The following ADGRL3 variants were observed in gnomAD, a reference collection of about 807,000 sequenced individuals.
ADGRL3 encodes the protein adhesion G protein-coupled receptor L3, also known as calcium-independent alpha-latrotoxin receptor 3.
In ADGRL3, 62 loss-of-function variants were observed where a neutral mutation model predicts 153.5. The observed-to-expected ratio is 0.40, with a 90% CI of 0.33 to 0.50. The LOEUF (loss-of-function observed/expected upper bound fraction) is 0.50, where lower values mean the gene tolerates loss of function less well. Ranked by LOEUF, ADGRL3 falls within the 20% of genes least tolerant of loss-of-function variation. The probability of loss-of-function intolerance (pLI) is 0.47; values close to 1 mark genes in which losing one functional copy is unlikely to be tolerated. For synonymous variants in ADGRL3, 710 were observed against 672.5 expected, an observed-to-expected ratio of 1.06 and a Z score of -0.86; for missense variants, 1,641 against 1,859.4, an observed-to-expected ratio of 0.88 and a Z score of 2.16.
chr4:61,789,041 CAA>C (rs1417934411), intron 8 of ADGRL3, among the ~76,000 whole-genome samples: 12 of 151,962 alleles, frequency 7.9e-5, no homozygotes, highest in Non-Finnish European at 1.6e-4. Context: ...TCAAATTTAT[CAA>C]AAGAGTCATA....
chr4:61,684,750 T>C (rs2095411760), intron 6 of ADGRL3, among the ~76,000 whole-genome samples: 1 of 142,318 alleles, frequency 7.0e-6, no homozygotes, highest in African/African-American at 2.6e-5. Flanking sequence ...TTGAGTGGAT[T>C]CTGTGCTTTT....
chr4:61,572,026 G>T lies in ADGRL3; in HGVS notation c.260-15201G>T, dbSNP rs2098841157. ...TTGTATTAACTTACAAATAATAAGA[G>T]ATTCACATTATATGATTTTTCCCAA... is the stretch of plus-strand genomic sequence containing the variant. On this transcript the variant is annotated intron_variant, in intron 4 of 26. Transcript: ENST00000683033. Among the ~76,000 whole-genome samples the T allele has an allele frequency of 2.0e-5, 3 of 152,134 alleles. No individual in the cohort carries two copies. The South Asian group carries it at 6.2e-4, about 31-fold the overall frequency.
intron 17 of ADGRL3, among the ~76,000 whole-genome samples, chr4:61,956,703 T>A (rs189809716): frequency 2.6e-5 from 4 of 152,296 alleles, no homozygotes; most frequent in African/African-American, 9.6e-5. Flanking sequence ...CATCTTGAGT[T>A]AATTTGTGTA....
At chr4:61,931,134 G>C (rs1560391835) in intron 13 of ADGRL3, among the ~76,000 whole-genome samples, 1 of 152,008 alleles carries the variant, frequency 6.6e-6, no homozygotes, top group Non-Finnish European at 1.5e-5. Flanking sequence ...AGCAGAAAAG[G>C]GGTCACATTA....
At chr4:61,540,001 A>G (rs79984945) in intron 4 of ADGRL3, among the ~76,000 whole-genome samples, 2,064 of 152,290 alleles carry the variant, frequency 0.014, 22 homozygotes, top group Middle Eastern at 0.051. Context: ...AAGAACTGGC[A>G]TTTGAACTAA....
intron 9 of ADGRL3, among the ~76,000 whole-genome samples, chr4:61,847,679 AT>A: frequency 1.9e-4 from 10 of 53,856 alleles, no homozygotes; most frequent in African/African-American, 7.7e-4. Context: ...TATAAAATAT[AT>A]TATATATATA....
chr4:61,838,810 G>A (rs966236181), intron 9 of ADGRL3, among the ~76,000 whole-genome samples: 3 of 152,122 alleles, frequency 2.0e-5, no homozygotes, highest in Non-Finnish European at 2.9e-5. Flanking sequence ...TGCAGAGGAG[G>A]GAAGAGAGTT....
chr4:61,816,034 A>T (rs140093636), intron 9 of ADGRL3, among the ~76,000 whole-genome samples: 2 of 152,362 alleles, frequency 1.3e-5, no homozygotes, highest in East Asian at 3.9e-4. Context: ...ATAAATATGA[A>T]TTATAAATCA....
At chr4:61,235,939 A>G (rs1250295542) in intron 1 of ADGRL3, among the ~76,000 whole-genome samples, 1 of 150,868 alleles carries the variant, frequency 6.6e-6, no homozygotes, top group Non-Finnish European at 1.5e-5. Flanking sequence ...CTTTGGATCC[A>G]GTGAGTTTGC....
intron 4 of ADGRL3, among the ~76,000 whole-genome samples, chr4:61,517,973 C>T (rs1439665036): frequency 6.6e-6 from 1 of 152,064 alleles, no homozygotes; most frequent in Non-Finnish European, 1.5e-5. Flanking sequence ...TCATTTAAAG[C>T]GTAAAACTTG....
intron 11 of ADGRL3, among the ~76,000 whole-genome samples, chr4:61,908,152 C>T: frequency 6.6e-6 from 1 of 152,046 alleles, no homozygotes; most frequent in East Asian, 1.9e-4. Flanking sequence ...GGGTGCACAC[C>T]TGTAGTCCCA....
intron 21 of ADGRL3, among the ~76,000 whole-genome samples, chr4:62,016,948 C>T (rs535237973): frequency 6.6e-6 from 1 of 151,874 alleles, no homozygotes; most frequent in East Asian, 1.9e-4. Flanking sequence ...TGTTTTGTTG[C>T]TATTAGGTAT....
At chr4:61,456,672 C>T (rs934293732) in intron 2 of ADGRL3, among the ~76,000 whole-genome samples, 12 of 150,954 alleles carry the variant, frequency 7.9e-5, no homozygotes, top group South Asian at 2.1e-4. Context: ...AAACCATGGG[C>T]GACCATTTTT....
chr4:61,678,285 G>C (rs1332648408), intron 6 of ADGRL3, among the ~76,000 whole-genome samples: 1 of 151,912 alleles, frequency 6.6e-6, no homozygotes, highest in East Asian at 1.9e-4. Context: ...TTAAAAATAA[G>C]TTACACACCT....
rs1746433639 is a variant in ADGRL3, at chr4:62,074,074, T to A, written c.*3166T>A. On this transcript the variant is annotated 3_prime_UTR_variant, in exon 27 of 27. Coordinates refer to ENST00000683033, the MANE Select transcript of ADGRL3 (RefSeq NM_001387552.1). ...TTTTCTTATAGAGCTATTGATGAAT[T>A]AATTAATGATTTTTTAATTGTTCTT... 1 of 150,666 alleles carries A rather than the reference T, an allele frequency of 6.6e-6. No homozygotes were observed. The highest frequency in any genetic ancestry group is 6.6e-5 in the Admixed American group (1 of 15,080). 9.3% of individuals were successfully genotyped at this position (150,666 alleles called of 1,614,324 possible). A position where few individuals can be genotyped will look rare whatever the true frequency, so the allele number is the denominator to read the frequency against.
intron 21 of ADGRL3, 72 bp from the exon 22 acceptor site, chr4:62,028,783 T>C: frequency 7.6e-7 from 1 of 1,316,630 alleles, no homozygotes; most frequent in Admixed American, 2.0e-5. Flanking sequence ...AGGAGAATAT[T>C]TTTCATATGA....
intron 6 of ADGRL3, among the ~76,000 whole-genome samples, chr4:61,682,443 TTAA>T (rs1159888737): frequency 2.0e-5 from 3 of 152,134 alleles, no homozygotes; most frequent in Non-Finnish European, 4.4e-5. Flanking sequence ...CAATGGTTAA[TTAA>T]TAATTAAACC....
intron 4 of ADGRL3, among the ~76,000 whole-genome samples, chr4:61,537,226 T>A (rs1481873691): frequency 6.6e-6 from 1 of 152,032 alleles, no homozygotes; most frequent in Non-Finnish European, 1.5e-5. Flanking sequence ...CTGTTTTGGT[T>A]TGTAAAGTTT....
At chr4:61,441,193 C>T (rs997581431) in intron 2 of ADGRL3, among the ~76,000 whole-genome samples, 1 of 152,094 alleles carries the variant, frequency 6.6e-6, no homozygotes, top group Non-Finnish European at 1.5e-5. Flanking sequence ...TGACCAGTTC[C>T]TCTGCCTGAA....
Sources: gnomAD v4.1 joint callset for allele counts (sites outside exome capture counted in the v4.1 genomes callset) on GRCh38, gnomAD v4.1.1 for gene constraint, MANE v1.5 for transcripts, NCBI Gene and HGNC (gene_info 2026-07-23, HGNC 2026-07-21) for gene names.